Variants in TMCC1 observed in about 807,000 individuals in gnomAD.
TMCC1 encodes the protein transmembrane and coiled-coil domain family 1.
In TMCC1, 15 loss-of-function variants were observed where a neutral mutation model predicts 52.4. The ratio of observed to expected loss-of-function variants is 0.29; its 90% CI spans 0.19 to 0.44. The LOEUF is 0.44. Ranked by LOEUF, TMCC1 falls within the 20% of genes least tolerant of loss-of-function variation. The pLI is 1.00. For missense variants in TMCC1, 503 were observed against 806.0 expected (o/e 0.62, Z 4.55); for synonymous variants, 279 against 301.9 (o/e 0.92, Z 0.79).
chr3:129,817,283 T>C (rs1381199000), intron 4 of TMCC1, among the ~76,000 whole-genome samples: 1 of 151,994 alleles, frequency 6.6e-6, no homozygotes, highest in Non-Finnish European at 1.5e-5. Flanking sequence ...AAAATCTTTG[T>C]TTTTCACCCA....
At chr3:129,816,048 AC>A (rs1221386688) in intron 4 of TMCC1, among the ~76,000 whole-genome samples, 1 of 152,124 alleles carries the variant, frequency 6.6e-6, no homozygotes, top group Non-Finnish European at 1.5e-5. Flanking sequence ...ACATCACATC[AC>A]CCCAGTTAGA....
chr3:129,839,229 C>G (rs2059311611), intron 2 of TMCC1, among the ~76,000 whole-genome samples: 1 of 152,120 alleles, frequency 6.6e-6, no homozygotes, highest in African/African-American at 2.4e-5. Context: ...AAGTACCCCA[C>G]AGGTAAAAGT....
chr3:129,741,341 T>G (rs1214397582), intron 4 of TMCC1, among the ~76,000 whole-genome samples: 1 of 152,178 alleles, frequency 6.6e-6, no homozygotes, highest in Non-Finnish European at 1.5e-5. Context: ...AATAATCCCT[T>G]CTACCTGTAT....
chr3:129,677,966 G>A (rs1560170172), intron 4 of TMCC1, among the ~76,000 whole-genome samples: 3 of 152,100 alleles, frequency 2.0e-5, no homozygotes, highest in Non-Finnish European at 2.9e-5. Context: ...TCGCTCTGTC[G>A]CCCAGGCTGG....
In TMCC1 at chr3:129,650,861, T is replaced by G. The variant is rs2086283316; in HGVS notation, c.*620A>C. ...TGTGCAGTGATCCTTTGGGGGATGA[T>G]GCTTTCACTTTTGTATCCTCGTCAA... On this transcript the variant is annotated 3_prime_UTR_variant, in exon 7 of 7. Transcript: ENST00000393238. 1 of 153,916 alleles carries G rather than the reference T, an allele frequency of 6.5e-6. No individual in the cohort carries two copies. The highest frequency in any genetic ancestry group is 1.5e-5 in the Non-Finnish European group (1 of 68,910). 9.5% of individuals were successfully genotyped at this position (153,916 alleles called of 1,614,324 possible). A position where few individuals can be genotyped will look rare whatever the true frequency, so the allele number is the denominator to read the frequency against.
At chr3:129,763,542 C>CAAAAAAAAAAAAAAA (rs11354197) in intron 4 of TMCC1, among the ~76,000 whole-genome samples, 2 of 44,664 alleles carry the variant, frequency 4.5e-5, no homozygotes, top group East Asian at 6.1e-4. Flanking sequence ...GACCCTGTCT[C>CAAAAAAAAAAAAAAA]AAAAAAAAAA....
chr3:129,819,982 C>T (rs902022766), intron 4 of TMCC1: 1 of 151,224 alleles, frequency 6.6e-6, no homozygotes, highest in Non-Finnish European at 1.5e-5. Context: ...CCAGTGGAAC[C>T]CAGGAAGGCT....
At chr3:129,829,775 A>C (rs1199795853) in intron 3 of TMCC1, among the ~76,000 whole-genome samples, 1 of 152,204 alleles carries the variant, frequency 6.6e-6, no homozygotes, top group African/African-American at 2.4e-5. Context: ...GAAAGCCATA[A>C]ATTAGCTGAA....
At chr3:129,795,149 T>C (rs1338028029) in intron 4 of TMCC1, among the ~76,000 whole-genome samples, 6 of 152,154 alleles carry the variant, frequency 3.9e-5, no homozygotes, top group Non-Finnish European at 7.3e-5. Flanking sequence ...CACATTAAAG[T>C]GGCCTCCTGA....
chr3:129,886,349 A>G (rs924015010), intron 1 of TMCC1, among the ~76,000 whole-genome samples: 3 of 152,226 alleles, frequency 2.0e-5, no homozygotes, highest in Non-Finnish European at 4.4e-5. Context: ...AAGTCAAGCC[A>G]TTGGAAAACT....
chr3:129,714,191 T>C (rs926717057), intron 4 of TMCC1, among the ~76,000 whole-genome samples: 5 of 152,198 alleles, frequency 3.3e-5, no homozygotes, highest in Non-Finnish European at 7.4e-5. Context: ...ATTCTTTCCA[T>C]TTTAAAATTA....
intron 4 of TMCC1, among the ~76,000 whole-genome samples, chr3:129,798,086 C>T (rs1039400186): frequency 1.3e-5 from 2 of 151,300 alleles, no homozygotes; most frequent in African/African-American, 4.9e-5. Context: ...ACCTCTGCCT[C>T]CCAGGTTCAA....
chr3:129,843,824 C>G (rs1245141265), intron 2 of TMCC1, among the ~76,000 whole-genome samples: 1 of 148,646 alleles, frequency 6.7e-6, no homozygotes, highest in Non-Finnish European at 1.5e-5. Context: ...CAATTCTACT[C>G]TCTCTTGCAA....
At chr3:129,712,166 GACTC>G (rs2048750367) in intron 4 of TMCC1, among the ~76,000 whole-genome samples, 1 of 152,088 alleles carries the variant, frequency 6.6e-6, no homozygotes, top group Admixed American at 6.6e-5. Context: ...AACAGAGCGA[GACTC>G]TTTCTCAAAA....
At chr3:129,790,834 T>C (rs1382576309) in intron 4 of TMCC1, among the ~76,000 whole-genome samples, 1 of 152,228 alleles carries the variant, frequency 6.6e-6, no homozygotes, top group Non-Finnish European at 1.5e-5. Flanking sequence ...ATGTTTAATA[T>C]GGCTTTATTA....
intron 4 of TMCC1, among the ~76,000 whole-genome samples, chr3:129,721,627 G>A (rs538502231): frequency 6.6e-6 from 1 of 150,794 alleles, no homozygotes; most frequent in East Asian, 2.0e-4. Flanking sequence ...TTGGGAGGCC[G>A]AGGCAGGCAG....
In TMCC1 at chr3:129,671,091, A is replaced by T; in HGVS notation, c.750T>A (p.Ile250=). The change falls in exon 5 of 7, where the codon ATT becomes ATA. Residue 250 remains isoleucine, a synonymous_variant. Coordinates refer to ENST00000393238, the MANE Select transcript of TMCC1 (RefSeq NM_001017395.5). ...KILKLTEQIK[I]AQTARDDNVA... ...CGTTGTCGTCCCGGGCTGTTTGTGCAATCTTGATTTGTTCTGTGAGCTTCA... is the reference window on the plus strand; with the variant it reads ...CGTTGTCGTCCCGGGCTGTTTGTGCTATCTTGATTTGTTCTGTGAGCTTCA... 1 of 1,614,126 alleles carries T rather than the reference A, an allele frequency of 6.2e-7. No individual in the cohort carries two copies. The highest frequency in any genetic ancestry group is 8.5e-7 in the Non-Finnish European group (1 of 1,180,008).
intron 4 of TMCC1, among the ~76,000 whole-genome samples, chr3:129,734,295 A>T (rs1018262557): frequency 1.3e-5 from 2 of 152,212 alleles, no homozygotes; most frequent in African/African-American, 4.8e-5. Context: ...ATCAAGTGAA[A>T]AGAGTAAAGA....
At chr3:129,819,494 T>G (rs2058304471) in intron 4 of TMCC1, among the ~76,000 whole-genome samples, 1 of 152,230 alleles carries the variant, frequency 6.6e-6, no homozygotes, top group Non-Finnish European at 1.5e-5. Context: ...AAAATTTCAA[T>G]TACTCTGAAT....
Sources: allele counts gnomAD v4.1 joint callset (sites outside exome capture counted in the v4.1 genomes callset), GRCh38; gene constraint gnomAD v4.1.1; transcripts MANE v1.5; gene names NCBI Gene and HGNC (gene_info 2026-07-23, HGNC 2026-07-21).